Variants in HERC2 observed in about 807,000 individuals in gnomAD.
HERC2 encodes the protein HECT and RLD domain containing E3 ubiquitin protein ligase 2, also known as E3 ubiquitin-protein ligase HERC2.
HERC2 carries 102 observed loss-of-function variants against 537.7 expected under a neutral mutation model. The ratio of observed to expected loss-of-function variants is 0.19; its 90% CI spans 0.16 to 0.22. The LOEUF is 0.22. Ranked by LOEUF, HERC2 falls within the 10% of genes least tolerant of loss-of-function variation. The pLI is 1.00. For synonymous variants in HERC2, 2,224 were observed against 2,466.2 expected, an observed-to-expected ratio of 0.90 and a Z score of 2.91; for missense variants, 4,236 against 6,198.2, an observed-to-expected ratio of 0.68 and a Z score of 10.63.
intron 35 of HERC2, among the ~76,000 whole-genome samples, chr15:28,225,696 CAAAAAAAAA>C (rs35629645): frequency 8.0e-4 from 47 of 58,814 alleles, no homozygotes; most frequent in Non-Finnish European, 9.8e-4. Flanking sequence ...GACTCCGTCT[CAAAAAAAAA>C]AAAAAAAAAA....
At chr15:28,159,011 GA>G (rs1403527422) in intron 69 of HERC2, among the ~76,000 whole-genome samples, 1 of 152,132 alleles carries the variant, frequency 6.6e-6, no homozygotes, top group Non-Finnish European at 1.5e-5. Context: ...AGTTTGGCTG[GA>G]TATGAAATTC....
chr15:28,149,962 C>T (rs1203622484), intron 70 of HERC2, among the ~76,000 whole-genome samples: 1 of 151,170 alleles, frequency 6.6e-6, no homozygotes. Flanking sequence ...AAAACACACA[C>T]GGCTCCTAAC....
In HERC2 at chr15:28,192,101, G is replaced by A. The variant is rs781077059; in HGVS notation, c.8311C>T (p.His2771Tyr). ...AGCAGCATGCCTGGCTGGCTGCTGT[G>A]GCAACGCTTCAGCTGTTTTCCAGAA... ...GRSGKQLKRC[H>Y]SSQPGMLLDS... is the part of the protein sequence containing the mutation. Residue 2771 changes from histidine (H) to tyrosine (Y), a missense_variant, in exon 53 of 93, where the codon CAC becomes TAC. Around this residue, in one of 27 missense-constraint regions of HERC2, gnomAD observed 606 missense variants for 884.5 expected, o/e 0.69. Transcript: ENST00000261609. The A allele has an allele frequency of 1.2e-6, 2 of 1,612,494 alleles. No individual in the cohort carries two copies. Among genetic ancestry groups the A allele is most frequent in the Non-Finnish European group, 1.7e-6 (2 of 1,178,996 alleles).
intron 4 of HERC2, among the ~76,000 whole-genome samples, chr15:28,291,883 CGACAG>C (rs2076323125): frequency 1.8e-5 from 2 of 114,238 alleles, no homozygotes; most frequent in South Asian, 3.0e-4. Context: ...CCAGCCTGGG[CGACAG>C]AACAAGACTC....
chr15:28,121,868 C>T (rs1248110428), intron 85 of HERC2, among the ~76,000 whole-genome samples: 1 of 151,708 alleles, frequency 6.6e-6, no homozygotes. Context: ...CCAGGGAGCA[C>T]CGCGGAGCCA....
intron 3 of HERC2, among the ~76,000 whole-genome samples, chr15:28,294,997 A>G (rs1481928374): frequency 6.6e-6 from 1 of 151,898 alleles, no homozygotes; most frequent in Admixed American, 6.6e-5. Flanking sequence ...AGGATACAAG[A>G]GTGGCAAAAA....
chr15:28,170,434 A>G (rs1172971432), intron 65 of HERC2, among the ~76,000 whole-genome samples: 2 of 152,232 alleles, frequency 1.3e-5, no homozygotes, highest in Admixed American at 6.5e-5. Context: ...CTTTCGGCAT[A>G]TGGTGGTGGA....
intron 55 of HERC2, among the ~76,000 whole-genome samples, chr15:28,188,554 A>AC (rs961612987): frequency 1.3e-5 from 2 of 151,758 alleles, no homozygotes; most frequent in African/African-American, 4.9e-5. Context: ...AAAAAAAAAA[A>AC]AAAAGAGTAC....
In HERC2 at chr15:28,192,061, C is replaced by T. The variant is rs371697885; in HGVS notation, c.8351G>A (p.Arg2784His). ...QPGMLLDSWS[R>H]MVKSLNVSSS... is the part of the protein sequence containing the mutation. ...CGACACATTCAGGCTCTTCACCATG[C>T]GGGACCAGCTGTCCAGCAGCATGCC... The change falls in exon 53 of 93, where the codon CGC (arginine) becomes CAC (histidine). Residue 2784 changes from arginine to histidine, a missense_variant. Transcript: ENST00000261609. 3.7e-6 allele frequency: 6 copies of T among 1,614,004 alleles called. No individual in the cohort carries two copies. The highest frequency in any genetic ancestry group is 5.1e-6 in the Non-Finnish European group (6 of 1,180,014).
chr15:28,314,476 T>A (rs1469553776), intron 2 of HERC2, among the ~76,000 whole-genome samples: 1 of 152,052 alleles, frequency 6.6e-6, no homozygotes, highest in Non-Finnish European at 1.5e-5. Flanking sequence ...GTAGGAGCCA[T>A]TCTTATTTCC....
At chr15:28,248,933 G>T (rs974650646) in intron 20 of HERC2, among the ~76,000 whole-genome samples, 197 bp from the exon 21 acceptor site, 1 of 152,144 alleles carries the variant, frequency 6.6e-6, no homozygotes, top group South Asian at 2.1e-4. Context: ...AGAAGGGCAC[G>T]GAAGGCTCAA....
chr15:28,113,681 G>A lies in HERC2; in HGVS notation c.13914-3C>T, dbSNP rs1887904119. The A allele has an allele frequency of 5.0e-6, 8 of 1,612,322 alleles. No individual in the cohort carries two copies. Among genetic ancestry groups the A allele is most frequent in the Middle Eastern group, 1.6e-4 (1 of 6,084 alleles). ...CCTGCTCATCAAATTCATGGAGTCT[G>A]GAAGAAAAAGCTCACTTTACACTTC... On this transcript the variant is annotated splice_polypyrimidine_tract_variant and splice_region_variant and intron_variant, in intron 90 of 92. Coordinates refer to ENST00000261609, the MANE Select transcript of HERC2 (RefSeq NM_004667.6). The surrounding 1 kb of genome is among the most constrained non-coding windows in gnomAD (Gnocchi z 7.0).
chr15:28,115,242 C>A, intron 89 of HERC2, 187 bp downstream of exon 89: 1 of 546,194 alleles, frequency 1.8e-6, no homozygotes, highest in Non-Finnish European at 3.2e-6. Flanking sequence ...TGTTACAAAA[C>A]ACCAGAAAAT....
chr15:28,258,275 A>G (rs2075321711), intron 16 of HERC2, among the ~76,000 whole-genome samples: 3 of 152,046 alleles, frequency 2.0e-5, no homozygotes, highest in Admixed American at 6.5e-5. Flanking sequence ...TTTCAAGACA[A>G]CCTGGCCAAC....
At chr15:28,183,144 G>A (rs1895982333) in intron 56 of HERC2, among the ~76,000 whole-genome samples, 1 of 152,152 alleles carries the variant, frequency 6.6e-6, no homozygotes, top group South Asian at 2.1e-4. Flanking sequence ...GTCCTTCCCA[G>A]AGGGCTTGCT....
At chr15:28,310,538 C>G (rs141837923) in intron 2 of HERC2, among the ~76,000 whole-genome samples, 1 of 152,250 alleles carries the variant, frequency 6.6e-6, no homozygotes, top group East Asian at 1.9e-4. Context: ...TGAAGTTTAA[C>G]TAGTGAATGG....
chr15:28,139,705 CA>C (rs1366500686), intron 78 of HERC2, among the ~76,000 whole-genome samples: 2 of 152,086 alleles, frequency 1.3e-5, no homozygotes, highest in Non-Finnish European at 2.9e-5. Context: ...TGGATCTATC[CA>C]AAGAATGTAA....
chr15:28,119,821 A>C (rs982995989), intron 86 of HERC2, among the ~76,000 whole-genome samples: 1 of 152,208 alleles, frequency 6.6e-6, no homozygotes, highest in African/African-American at 2.4e-5. Flanking sequence ...TTTGTAACAC[A>C]AGCTGGGGAT....
intron 35 of HERC2, among the ~76,000 whole-genome samples, chr15:28,226,551 A>G (rs1901191880): frequency 2.0e-5 from 3 of 151,972 alleles, no homozygotes; most frequent in Admixed American, 2.0e-4. Flanking sequence ...TCAGATCATC[A>G]AAAAAAACAG....
Sources: gnomAD v4.1 joint callset for allele counts (sites outside exome capture counted in the v4.1 genomes callset) on GRCh38, gnomAD v4.1.1 for gene constraint, gnomAD v4.1.1 regional missense constraint, Gnocchi (gnomAD v3.1) non-coding constraint, MANE v1.5 for transcripts, NCBI Gene and HGNC (gene_info 2026-07-23, HGNC 2026-07-21) for gene names.